The following FRMD4B variants were observed in gnomAD, a reference collection of about 807,000 sequenced individuals.
FRMD4B encodes FERM domain-containing protein 4B.
FRMD4B carries 74 observed loss-of-function variants against 141.5 expected under a neutral mutation model. The ratio of observed to expected loss-of-function variants is 0.52; its 90% CI spans 0.43 to 0.63. FRMD4B has a LOEUF of 0.63. Ranked by LOEUF, FRMD4B falls within the 30% of genes least tolerant of loss-of-function variation. The pLI is 0.00. For synonymous variants in FRMD4B, 506 were observed against 467.9 expected (o/e 1.08, Z -1.05); for missense variants, 1,366 against 1,253.4 (o/e 1.09, Z -1.36).
At chr3:69,460,900 C>G (rs185926820) in intron 1 of FRMD4B, among the ~76,000 whole-genome samples, 1 of 152,328 alleles carries the variant, frequency 6.6e-6, no homozygotes, top group East Asian at 1.9e-4. Context: ...CCTTCCAGCT[C>G]TAATTGGAGC....
intron 1 of FRMD4B, among the ~76,000 whole-genome samples, chr3:69,498,911 T>G (rs1200603232): frequency 6.6e-6 from 1 of 152,178 alleles, no homozygotes; most frequent in Non-Finnish European, 1.5e-5. Context: ...CCTACTGTCA[T>G]GAAGCTTATG....
At chr3:69,293,135 G>A (rs748616818) in intron 4 of FRMD4B, 72 of 333,298 alleles carry the variant, frequency 2.2e-4, no homozygotes, top group South Asian at 9.2e-5. Context: ...TGACAAAGAC[G>A]GCTGGAAGGG....
intron 11 of FRMD4B, among the ~76,000 whole-genome samples, chr3:69,205,059 C>CAAAAAAAAAAAAAAAA (rs33955997): frequency 1.6e-5 from 2 of 124,456 alleles, no homozygotes; most frequent in African/African-American, 6.4e-5. Context: ...ATGTTTTTAA[C>CAAAAAAAAAAAAAAAA]AAAAAAAAAA....
intron 9 of FRMD4B, 64 bp from the exon 10 acceptor site, chr3:69,218,443 T>C: frequency 1.4e-6 from 1 of 702,340 alleles, no homozygotes; most frequent in Non-Finnish European, 2.5e-6. Context: ...TTGGGAAAAG[T>C]GATTTAAAGA....
intron 1 of FRMD4B, among the ~76,000 whole-genome samples, chr3:69,487,111 A>G (rs1706227685): frequency 6.6e-6 from 1 of 152,154 alleles, no homozygotes; most frequent in African/African-American, 2.4e-5. Flanking sequence ...TTCTGAACAA[A>G]TCTGATGTGA....
intron 3 of FRMD4B, among the ~76,000 whole-genome samples, chr3:69,307,754 A>T (rs1701442044): frequency 6.6e-6 from 1 of 152,150 alleles, no homozygotes; most frequent in Non-Finnish European, 1.5e-5. Context: ...CCATGTGGCC[A>T]GGACCCTCTT....
intron 1 of FRMD4B, among the ~76,000 whole-genome samples, chr3:69,511,286 T>G (rs151172187): frequency 3.9e-5 from 6 of 152,188 alleles, no homozygotes; most frequent in African/African-American, 1.4e-4. Flanking sequence ...TTTTTAAAAA[T>G]CTTTTTAAAC....
chr3:69,502,076 G>A (rs1239686223), intron 1 of FRMD4B, among the ~76,000 whole-genome samples: 1 of 152,144 alleles, frequency 6.6e-6, no homozygotes, highest in Non-Finnish European at 1.5e-5. Flanking sequence ...TGGGTAGGAA[G>A]AATCAATATC....
intron 17 of FRMD4B, among the ~76,000 whole-genome samples, chr3:69,193,377 G>A (rs533618882): frequency 2.6e-5 from 4 of 152,166 alleles, no homozygotes; most frequent in South Asian, 4.2e-4. Context: ...GTGTGGTGGC[G>A]CATGCCTGTA....
At chr3:69,172,977 A>T (rs1359874397) in intron 22 of FRMD4B, among the ~76,000 whole-genome samples, 1 of 152,176 alleles carries the variant, frequency 6.6e-6, no homozygotes, top group Admixed American at 6.5e-5. Flanking sequence ...TTCACACATC[A>T]GTCAGTGCAA....
At chr3:69,313,357 G>C in intron 2 of FRMD4B, 95 bp downstream of exon 2, 2 of 775,880 alleles carry the variant, frequency 2.6e-6, no homozygotes, top group Non-Finnish European at 2.3e-6. Context: ...CAGACTATGA[G>C]GCTCAGAGAG....
At chr3:69,197,166 C>T in intron 12 of FRMD4B, 128 bp from the exon 13 acceptor site, 1 of 602,086 alleles carries the variant, frequency 1.7e-6, no homozygotes, top group Non-Finnish European at 2.8e-6. Context: ...AACTCTTACG[C>T]AAATGGGGAC....
At chr3:69,181,758 G>A (rs1473682059) in intron 20 of FRMD4B, 48 bp from the exon 21 acceptor site, 5 of 1,171,584 alleles carry the variant, frequency 4.3e-6, no homozygotes, top group Middle Eastern at 2.8e-4. Flanking sequence ...AGAAAAGGAG[G>A]ACCCAAATAA....
chr3:69,260,724 G>A (rs2093521639), intron 5 of FRMD4B, among the ~76,000 whole-genome samples: 1 of 152,272 alleles, frequency 6.6e-6, no homozygotes, highest in Non-Finnish European at 1.5e-5. Flanking sequence ...CCTGAGTTAA[G>A]TAGGAACTTG....
At chr3:69,240,706 T>C (rs570206852) in intron 7 of FRMD4B, among the ~76,000 whole-genome samples, 5 of 152,298 alleles carry the variant, frequency 3.3e-5, no homozygotes, top group African/African-American at 1.2e-4. Context: ...CACAAAAAAA[T>C]GGATTAACCG....
intron 11 of FRMD4B, among the ~76,000 whole-genome samples, chr3:69,215,364 C>G (rs1428564582): frequency 8.1e-6 from 1 of 123,544 alleles, no homozygotes; most frequent in Admixed American, 1.0e-4. Flanking sequence ...ACAATCTTGT[C>G]TCACTGCAAC....
chr3:69,534,623 C>G (rs770513189), intron 1 of FRMD4B, among the ~76,000 whole-genome samples: 8 of 152,210 alleles, frequency 5.3e-5, no homozygotes, highest in Non-Finnish European at 1.0e-4. Flanking sequence ...CCTGCACCAT[C>G]CCTTAATGAC....
chr3:69,482,430 C>T (rs559451675), intron 1 of FRMD4B, among the ~76,000 whole-genome samples: 1 of 151,760 alleles, frequency 6.6e-6, no homozygotes, highest in Admixed American at 6.6e-5. Context: ...CCACAGGTGA[C>T]TGTTTTGTGA....
At chr3:69,515,931 TC>T (rs1252560179) in intron 1 of FRMD4B, among the ~76,000 whole-genome samples, 1 of 152,098 alleles carries the variant, frequency 6.6e-6, no homozygotes, top group Non-Finnish European at 1.5e-5. Flanking sequence ...GAATAACTGC[TC>T]CCAAAAGATA....
Sources: allele counts gnomAD v4.1 joint callset (sites outside exome capture counted in the v4.1 genomes callset), GRCh38; gene constraint gnomAD v4.1.1; transcripts MANE v1.5; gene names NCBI Gene and HGNC (gene_info 2026-07-23, HGNC 2026-07-21).